Variants in RAB27B observed in about 807,000 individuals in gnomAD.
RAB27B encodes ras-related protein Rab-27B.
A neutral mutation model predicts 24.6 loss-of-function variants in RAB27B; 15 were observed. The observed-to-expected ratio is 0.61, with a 90% CI of 0.41 to 0.94. RAB27B has a LOEUF of 0.94. Among genes scored for constraint, RAB27B ranks in the 40% least tolerant of loss-of-function variants. RAB27B has a pLI of 0.00. For synonymous variants in RAB27B, 105 were observed against 92.5 expected (o/e 1.14, Z -0.78); for missense variants, 261 against 266.8 (o/e 0.98, Z 0.15).
chr18:54,845,849 C>T (rs1911316202), intron 1 of RAB27B, among the ~76,000 whole-genome samples: 1 of 152,126 alleles, frequency 6.6e-6, no homozygotes, highest in Non-Finnish European at 1.5e-5. Context: ...TGCAAATCTG[C>T]CTGCTTAATA....
chr18:54,799,570 T>A (rs1432699485), intron 2 of RAB27B, among the ~76,000 whole-genome samples: 1 of 151,098 alleles, frequency 6.6e-6, no homozygotes, highest in Admixed American at 6.6e-5. Flanking sequence ...AAGGTATACT[T>A]GCAATATATA....
intron 1 of RAB27B, among the ~76,000 whole-genome samples, chr18:54,834,895 CCTTAA>C (rs1316959974): frequency 1.3e-5 from 2 of 151,616 alleles, no homozygotes; most frequent in African/African-American, 2.4e-5. Flanking sequence ...TTGTTTCTCT[CCTTAA>C]CTTGCTCAGA....
At chr18:54,753,391 T>A (rs1907897796) in intron 2 of RAB27B, among the ~76,000 whole-genome samples, 2 of 152,328 alleles carry the variant, frequency 1.3e-5, no homozygotes, top group South Asian at 4.1e-4. Context: ...AATCATTGTT[T>A]GGCTTTGGGC....
intron 1 of RAB27B, among the ~76,000 whole-genome samples, chr18:54,859,338 TA>T (rs1268603192): frequency 6.6e-6 from 1 of 152,198 alleles, no homozygotes; most frequent in African/African-American, 2.4e-5. Flanking sequence ...TATGTTTCCA[TA>T]TGAAGGTCCC....
intron 2 of RAB27B, among the ~76,000 whole-genome samples, chr18:54,811,170 G>T (rs1336363925): frequency 3.3e-5 from 5 of 151,858 alleles, no homozygotes; most frequent in South Asian, 2.1e-4. Context: ...TTTTAGAGGG[G>T]GGAAGAGGCA....
In RAB27B at chr18:54,800,526, G is replaced by T. The variant is rs375785480; in HGVS notation, c.-19-77041G>T. 2.0e-5 allele frequency among the ~76,000 whole-genome samples: 3 copies of T among 152,180 alleles called. No homozygotes were observed. The East Asian group carries it at 5.8e-4, about 29-fold the overall frequency. ...GATGAAGACCATTTCATTTTAATTT[G>T]CATTGACTTCATTGTCATTACAACT... On this transcript the variant is annotated intron_variant, in intron 2 of 4. Transcript: ENST00000586570.
At chr18:54,789,458 TAATA>T (rs921397184) in intron 2 of RAB27B, among the ~76,000 whole-genome samples, 2 of 152,076 alleles carry the variant, frequency 1.3e-5, no homozygotes, top group Non-Finnish European at 2.9e-5. Context: ...TCCCAATAAT[TAATA>T]AATAATAGAA....
intron 2 of RAB27B, among the ~76,000 whole-genome samples, chr18:54,754,983 G>A (rs983332983): frequency 6.6e-6 from 1 of 152,154 alleles, no homozygotes; most frequent in Non-Finnish European, 1.5e-5. Context: ...CTATTAGGAT[G>A]ATGATTTATT....
chr18:54,846,842 C>CTTTT (rs912137628), intron 1 of RAB27B, among the ~76,000 whole-genome samples: 15 of 152,014 alleles, frequency 9.9e-5, no homozygotes, highest in Admixed American at 5.2e-4. Flanking sequence ...CTTCACATGA[C>CTTTT]TTTTTGTTTG....
At position 54,879,418 on chromosome 18, in the gene RAB27B, T is replaced by G. The variant is rs1598989345; in HGVS notation, c.203T>G (p.Val68Gly). The stretch of plus-strand genomic sequence containing the variant: ...GGATCTTCAGGGAAAGCATTTAAAG[T>G]GCATCTTCAGCTTTGGGACACTGCG... ...PNGSSGKAFK[V>G]HLQLWDTAGQ... The change falls in exon 3 of 6, where the codon GTG (valine) becomes GGG (glycine). Residue 68 changes from valine to glycine, a missense_variant. Val to Gly is a moderately radical substitution (Grantham distance 109). Coordinates refer to ENST00000262094, the MANE Select transcript of RAB27B (RefSeq NM_004163.4). The G allele has an allele frequency of 6.2e-7, 1 of 1,613,106 alleles. No homozygotes were observed. Among genetic ancestry groups the G allele is most frequent in the Non-Finnish European group, 8.5e-7 (1 of 1,179,130 alleles).
At chr18:54,746,246 A>G (rs987024147) in intron 2 of RAB27B, among the ~76,000 whole-genome samples, 62 of 152,246 alleles carry the variant, frequency 4.1e-4, no homozygotes, top group Non-Finnish European at 1.0e-4. Context: ...AAGAATATCC[A>G]TAAGTTAGAT....
In RAB27B at chr18:54,834,909, G is replaced by GA. The variant is rs908224781; in HGVS notation, c.-20+6218dup. 1.0e-4 allele frequency among the ~76,000 whole-genome samples: 15 copies of GA among 148,938 alleles called. 1 individual carries two copies. Among genetic ancestry groups the GA allele is most frequent in the East Asian group, 3.9e-4 (2 of 5,118 alleles). On this transcript the variant is annotated intron_variant, in intron 1 of 5. Transcript: ENST00000262094. ...CTTGTTTCTCTCCTTAACTTGCTCAGAAAAAAAAATGAGATTATGTATTAA... is the reference window on the plus strand; with the variant it reads ...CTTGTTTCTCTCCTTAACTTGCTCAGAAAAAAAAAATGAGATTATGTATTAA...
At chr18:54,760,075 T>G (rs965412935) in intron 2 of RAB27B, among the ~76,000 whole-genome samples, 5 of 152,150 alleles carry the variant, frequency 3.3e-5, no homozygotes, top group Non-Finnish European at 7.3e-5. Flanking sequence ...GAGCACACTG[T>G]AACACACACC....
chr18:54,755,980 T>A (rs903755917), intron 2 of RAB27B, among the ~76,000 whole-genome samples: 1 of 152,218 alleles, frequency 6.6e-6, no homozygotes, highest in Non-Finnish European at 1.5e-5. Flanking sequence ...AACCTATTAA[T>A]AGTAACTGTT....
chr18:54,883,453 C>A (rs996838368), intron 3 of RAB27B, among the ~76,000 whole-genome samples: 2 of 152,082 alleles, frequency 1.3e-5, no homozygotes, highest in Non-Finnish European at 1.5e-5. Flanking sequence ...AAGTTATGTG[C>A]CTTTCTAAAA....
rs559457663 is a variant in RAB27B, at chr18:54,765,079, C to CA, written c.-20+46947dup. 3.7e-3 allele frequency among the ~76,000 whole-genome samples: 559 copies of CA among 149,198 alleles called. 8 individuals carry two copies. In the South Asian group the frequency reaches 0.042, roughly 11 times the overall value. The stretch of plus-strand genomic sequence containing the variant: ...CTAGGGATGAAAAGGAAAAACAAAA[C>CA]AAAAAAAAACAAAAAAACAAACAAG... On this transcript the variant is annotated intron_variant, in intron 2 of 4. Transcript: ENST00000586570.
Position 54,813,852 on chromosome 18 carries a change from A to G in RAB27B, c.-19-63715A>G, listed in dbSNP as rs1275150276. The stretch of plus-strand genomic sequence containing the variant: ...GGTTATCATTTTTTTTAATGGAGAA[A>G]GAAGATAAAGTAACTTATTTTTCCA... On this transcript the variant is annotated intron_variant, in intron 2 of 4. Coordinates refer to the RAB27B transcript ENST00000586570. Among the ~76,000 whole-genome samples the G allele has an allele frequency of 3.3e-5, 5 of 152,340 alleles. No homozygotes were observed. The South Asian group carries it at 8.3e-4, about 25-fold the overall frequency.
chr18:54,756,268 G>A (rs1396598586), intron 2 of RAB27B, among the ~76,000 whole-genome samples: 2 of 152,142 alleles, frequency 1.3e-5, no homozygotes, highest in Non-Finnish European at 2.9e-5. Flanking sequence ...GGTAACAGAA[G>A]GACAATGTGA....
intron 2 of RAB27B, among the ~76,000 whole-genome samples, chr18:54,801,020 T>TTTTTG (rs1568070918): frequency 2.5e-4 from 36 of 145,092 alleles, no homozygotes; most frequent in African/African-American, 7.3e-4. Context: ...TTTTTTTTTT[T>TTTTTG]TTTTTTTTTT....
Sources: gnomAD v4.1 joint callset for allele counts (sites outside exome capture counted in the v4.1 genomes callset) on GRCh38, gnomAD v4.1.1 for gene constraint, MANE v1.5 for transcripts, NCBI Gene and HGNC (gene_info 2026-07-23, HGNC 2026-07-21) for gene names.